EBF1: variants seen among roughly 807,000 people sequenced by gnomAD.
The protein encoded by EBF1 is transcription factor COE1.
In EBF1, 10 loss-of-function variants were observed where a neutral mutation model predicts 68.4. The observed-to-expected ratio is 0.15, with a 90% CI of 0.09 to 0.25. EBF1 has a LOEUF of 0.25. Ranked by LOEUF, EBF1 falls within the 10% of genes least tolerant of loss-of-function variation. EBF1 has a pLI of 1.00. For missense variants in EBF1, 509 were observed against 794.4 expected (o/e 0.64, Z 4.32); for synonymous variants, 298 against 299.8 (o/e 0.99, Z 0.06).
intron 9 of EBF1, among the ~76,000 whole-genome samples, chr5:158,778,693 A>C: frequency 6.6e-6 from 1 of 152,188 alleles, no homozygotes; most frequent in South Asian, 2.1e-4. Context: ...GTCCTAGGGA[A>C]AATAATTTGA....
intron 11 of EBF1, among the ~76,000 whole-genome samples, chr5:158,727,560 C>T (rs1024388504): frequency 1.3e-5 from 2 of 152,208 alleles, no homozygotes; most frequent in Non-Finnish European, 2.9e-5. Flanking sequence ...TGAAACAGAA[C>T]AGAATGCTGT....
chr5:158,970,695 A>G (rs1391996193), intron 6 of EBF1, among the ~76,000 whole-genome samples: 1 of 152,242 alleles, frequency 6.6e-6, no homozygotes, highest in Non-Finnish European at 1.5e-5. Flanking sequence ...TAATTTCATG[A>G]GCTCATGTCC....
At chr5:159,057,983 A>G (rs1561908497) in intron 6 of EBF1, among the ~76,000 whole-genome samples, 1 of 152,226 alleles carries the variant, frequency 6.6e-6, no homozygotes, top group Non-Finnish European at 1.5e-5. Flanking sequence ...TGTGAATGAT[A>G]GAATTAAAGT....
chr5:159,074,016 A>G (rs1778289961), intron 5 of EBF1, among the ~76,000 whole-genome samples: 1 of 152,156 alleles, frequency 6.6e-6, no homozygotes, highest in Non-Finnish European at 1.5e-5. Flanking sequence ...AACCATTTTC[A>G]TGAGAATAAA....
intron 10 of EBF1, among the ~76,000 whole-genome samples, chr5:158,754,753 C>A (rs1013391982): frequency 6.6e-6 from 1 of 152,040 alleles, no homozygotes; most frequent in Admixed American, 6.6e-5. Context: ...CCTGACCTGA[C>A]AAAGACCCCC....
intron 9 of EBF1, among the ~76,000 whole-genome samples, chr5:158,790,842 G>T (rs1561935869): frequency 6.6e-6 from 1 of 152,222 alleles, no homozygotes; most frequent in Non-Finnish European, 1.5e-5. Flanking sequence ...GGGAGATGCA[G>T]TTTTGTGGCC....
intron 8 of EBF1, among the ~76,000 whole-genome samples, chr5:158,821,166 A>G (rs1410479332): frequency 3.9e-5 from 6 of 152,084 alleles, no homozygotes; most frequent in Non-Finnish European, 1.5e-5. Flanking sequence ...AAACTCTCCT[A>G]CAGATCATCA....
At chr5:158,802,625 T>C (rs554445156) in intron 8 of EBF1, among the ~76,000 whole-genome samples, 1 of 152,270 alleles carries the variant, frequency 6.6e-6, no homozygotes, top group South Asian at 2.1e-4. Context: ...TTATGTTAAG[T>C]TGATTTTAAC....
At chr5:158,847,145 G>A (rs185223896) in intron 6 of EBF1, among the ~76,000 whole-genome samples, 1 of 152,286 alleles carries the variant, frequency 6.6e-6, no homozygotes, top group East Asian at 1.9e-4. Flanking sequence ...CTGAAGGGAT[G>A]AACATGATCA....
At chr5:158,912,042 C>T (rs1280245512) in intron 6 of EBF1, among the ~76,000 whole-genome samples, 4 of 152,158 alleles carry the variant, frequency 2.6e-5, no homozygotes, top group Non-Finnish European at 5.9e-5. Flanking sequence ...GACAGTTTCA[C>T]CTCCAGAGTC....
chr5:158,879,007 A>T (rs1238097248), intron 6 of EBF1, among the ~76,000 whole-genome samples: 1 of 152,072 alleles, frequency 6.6e-6, no homozygotes, highest in Non-Finnish European at 1.5e-5. Flanking sequence ...AAAAGAATAG[A>T]TTCTCTTCAT....
At chr5:158,743,467 C>T (rs1305993468) in intron 10 of EBF1, among the ~76,000 whole-genome samples, 4 of 152,076 alleles carry the variant, frequency 2.6e-5, no homozygotes. Context: ...AGCAAGGAGT[C>T]ATTTAAGATT....
intron 6 of EBF1, among the ~76,000 whole-genome samples, chr5:158,927,482 T>C (rs4128877): frequency 0.54 from 82,344 of 152,076 alleles, 22,591 homozygotes; most frequent in South Asian, 0.73. Context: ...ATGCTATATA[T>C]ACCAGCAAGT....
chr5:158,884,994 G>C (rs1799738570), intron 6 of EBF1, among the ~76,000 whole-genome samples: 1 of 152,190 alleles, frequency 6.6e-6, no homozygotes, highest in African/African-American at 2.4e-5. Flanking sequence ...CTCACAAATG[G>C]AGAGAAGGGG....
At chr5:158,906,443 G>C (rs1206054909) in intron 6 of EBF1, among the ~76,000 whole-genome samples, 1 of 151,938 alleles carries the variant, frequency 6.6e-6, no homozygotes, top group African/African-American at 2.4e-5. Flanking sequence ...AGTTTAATGA[G>C]ATGTAACAAC....
At chr5:159,031,702 C>G (rs753540519) in intron 6 of EBF1, among the ~76,000 whole-genome samples, 1 of 152,108 alleles carries the variant, frequency 6.6e-6, no homozygotes, top group Non-Finnish European at 1.5e-5. Flanking sequence ...AGAGCTTGCT[C>G]CTATACACAG....
Position 158,696,858 on chromosome 5 carries a change from A to C in EBF1, c.*2253T>G. On this transcript the variant is annotated 3_prime_UTR_variant, in exon 16 of 16. Coordinates refer to ENST00000313708, the MANE Select transcript of EBF1 (RefSeq NM_024007.5). Reference sequence around the variant, plus strand: ...TACTAGAAAAAGTTACATTGTCTTAAGGTAACAAAACAGTTCTTTTGTGCT... The same window carrying C: ...TACTAGAAAAAGTTACATTGTCTTACGGTAACAAAACAGTTCTTTTGTGCT... The C allele has an allele frequency of 5.0e-6, 1 of 200,268 alleles. No individual in the cohort carries two copies. The highest frequency in any genetic ancestry group is 2.3e-5 in the African/African-American group (1 of 43,438). 12.4% of individuals were successfully genotyped at this position (200,268 alleles called of 1,614,324 possible).
intron 8 of EBF1, among the ~76,000 whole-genome samples, chr5:158,804,413 A>G (rs975426097): frequency 5.3e-5 from 8 of 152,132 alleles, no homozygotes; most frequent in Admixed American, 1.3e-4. Context: ...CAATGGACAT[A>G]GCACCTGAGC....
chr5:158,712,354 C>T lies in EBF1; in HGVS notation c.1370-21G>A, dbSNP rs780983339. On this transcript the variant is annotated intron_variant, in intron 13 of 15. Transcript: ENST00000313708. ...GAAACCTGAGGGGCGGGGGCAAAAC[C>T]GGAGGTGAGGGTGGCATTCAGATGG... The T allele has an allele frequency of 2.8e-5, 45 of 1,611,496 alleles. No homozygotes were observed. In the East Asian group the frequency reaches 4.2e-4, roughly 15 times the overall value.
Sources: gnomAD v4.1 joint callset for allele counts (sites outside exome capture counted in the v4.1 genomes callset) on GRCh38, gnomAD v4.1.1 for gene constraint, MANE v1.5 for transcripts, NCBI Gene and HGNC (gene_info 2026-07-23, HGNC 2026-07-21) for gene names.